Variants in AVL9 observed in about 807,000 individuals in gnomAD.
AVL9 encodes AVL9 cell migration associated, also known as late secretory pathway protein AVL9 homolog.
A neutral mutation model predicts 79.2 loss-of-function variants in AVL9; 49 were observed. The observed-to-expected ratio is 0.62, with a 90% CI of 0.49 to 0.79. The LOEUF is 0.79. AVL9 is among the 30% of genes least tolerant of loss of function. The probability of loss-of-function intolerance (pLI) is 0.00; values close to 1 mark genes in which losing one functional copy is unlikely to be tolerated. For missense variants in AVL9, 682 were observed against 776.8 expected (o/e 0.88, Z 1.45); for synonymous variants, 299 against 280.6 (o/e 1.07, Z -0.65).
rs185859057 is a variant in AVL9 at position 32,506,917 on chromosome 7, A to C, written c.93+11115A>C. Among the ~76,000 whole-genome samples the C allele has an allele frequency of 8.5e-5, 13 of 152,310 alleles. No homozygotes were observed. The East Asian group carries it at 2.3e-3, about 27-fold the overall frequency. ...AAAGCCAGACAAATTATTATAAGAA[A>C]AAAACAAAGATCAATATCCCTCATG... On this transcript the variant is annotated intron_variant, in intron 1 of 15. Coordinates refer to ENST00000318709, the MANE Select transcript of AVL9 (RefSeq NM_015060.3).
At chr7:32,524,254 G>A (rs1007984656) in intron 1 of AVL9, among the ~76,000 whole-genome samples, 1 of 151,996 alleles carries the variant, frequency 6.6e-6, no homozygotes, top group African/African-American at 2.4e-5. Context: ...GGTGGCTCAC[G>A]CCTGTAATCC....
intron 10 of AVL9, among the ~76,000 whole-genome samples, chr7:32,566,183 T>C (rs908371433): frequency 8.2e-6 from 1 of 121,322 alleles, no homozygotes; most frequent in African/African-American, 3.1e-5. Flanking sequence ...TATTATTATT[T>C]TTTTTTTTTG....
intron 10 of AVL9, among the ~76,000 whole-genome samples, chr7:32,561,563 GACC>G (rs1279950012): frequency 2.0e-5 from 3 of 152,162 alleles, no homozygotes; most frequent in African/African-American, 7.2e-5. Flanking sequence ...CTTCTATCCA[GACC>G]ACTCAAACTT....
At chr7:32,561,738 G>A (rs1790343212) in intron 10 of AVL9, among the ~76,000 whole-genome samples, 1 of 152,200 alleles carries the variant, frequency 6.6e-6, no homozygotes, top group Non-Finnish European at 1.5e-5. Context: ...ACTGTTTGGT[G>A]CAAGAGGCAT....
chr7:32,580,397 G>C, intron 14 of AVL9, 125 bp downstream of exon 14: 1 of 725,874 alleles, frequency 1.4e-6, no homozygotes. Flanking sequence ...AACCAAATAT[G>C]TGCATAACAT....
chr7:32,531,634 T>A (rs1788660263), intron 1 of AVL9: 1 of 152,044 alleles, frequency 6.6e-6, no homozygotes, highest in Admixed American at 6.6e-5. Context: ...CACGAGCGAA[T>A]GAGGTGGGAA....
rs116634693 is a variant in AVL9, at chr7:32,549,629, C to T, written c.372+711C>T. Among the ~76,000 whole-genome samples, 557 of 151,322 alleles carry T rather than the reference C, an allele frequency of 3.7e-3. 3 individuals are homozygous for T. The highest frequency in any genetic ancestry group is 0.013 in the African/African-American group (531 of 41,314). On this transcript the variant is annotated intron_variant, in intron 4 of 15. Transcript: ENST00000318709. ...GAATAGTCTCCTAGAAAAGGAATGG[C>T]TGTGGCCGGGCATGGTGGCTCACGC... is the stretch of plus-strand genomic sequence containing the variant.
chr7:32,557,567 T>C (rs1726045876), intron 8 of AVL9, among the ~76,000 whole-genome samples: 1 of 152,198 alleles, frequency 6.6e-6, no homozygotes, highest in African/African-American at 2.4e-5. Context: ...TAAACCTTTT[T>C]AGCAAAAATC....
In AVL9 at chr7:32,496,320, C is replaced by T. The variant is rs192551730; in HGVS notation, c.93+518C>T. Among the ~76,000 whole-genome samples the T allele has an allele frequency of 3.7e-4, 56 of 152,348 alleles. No homozygotes were observed. In the East Asian group the frequency reaches 8.9e-3, roughly 24 times the overall value. Reference sequence around the variant, plus strand: ...TTATCTGATGGAAGCCTTGGAATCTCTCCTGTTAGGTACGGTTGTCGATTG... The same window carrying T: ...TTATCTGATGGAAGCCTTGGAATCTTTCCTGTTAGGTACGGTTGTCGATTG... On this transcript the variant is annotated intron_variant, in intron 1 of 15. Coordinates refer to ENST00000318709, the MANE Select transcript of AVL9 (RefSeq NM_015060.3).
chr7:32,569,627 A>T (rs919094589), intron 10 of AVL9, among the ~76,000 whole-genome samples: 1 of 152,226 alleles, frequency 6.6e-6, no homozygotes, highest in African/African-American at 2.4e-5. Flanking sequence ...AGATGCATGT[A>T]TTTTAAATTT....
At chr7:32,509,361 C>A (rs80101668) in intron 1 of AVL9, among the ~76,000 whole-genome samples, 5,676 of 152,220 alleles carry the variant, frequency 0.037, 161 homozygotes, top group South Asian at 0.11. Context: ...TAGCAGGGGC[C>A]TTGTACCCTG....
chr7:32,564,321 T>A (rs2290215), intron 10 of AVL9, among the ~76,000 whole-genome samples: 127,631 of 152,246 alleles, frequency 0.84, 53,558 homozygotes, highest in Middle Eastern at 0.88. Context: ...AATCACAGTT[T>A]CAAATGCCAA....
intron 1 of AVL9, among the ~76,000 whole-genome samples, chr7:32,524,479 C>T (rs973670614): frequency 1.3e-5 from 2 of 152,210 alleles, no homozygotes; most frequent in Middle Eastern, 3.4e-3. Context: ...CATGCTACTG[C>T]ACTCCTCCCT....
At position 32,548,917 on chromosome 7, in the gene AVL9, T is replaced by A; in HGVS notation, c.371T>A (p.Leu124Gln). Residue 124 changes from leucine (L) to glutamine (Q), a missense_variant and splice_region_variant, in exon 4 of 16, where the codon CTG becomes CAG. By Grantham distance (113) the Leu-to-Gln change is moderately radical (BLOSUM62 -2). Transcript: ENST00000318709. ...VQKSVCVLSK[L>Q]PLYGLLQAKL... ...AAAAGTGTCTGTGTTCTAAGCAAGC[T>A]GGTAAGAGACGAAGTAACTTGTTCA... The A allele has an allele frequency of 6.4e-7, 1 of 1,558,086 alleles. No homozygotes were observed. Among genetic ancestry groups the A allele is most frequent in the Non-Finnish European group, 8.7e-7 (1 of 1,154,374 alleles).
intron 3 of AVL9, among the ~76,000 whole-genome samples, chr7:32,545,747 C>A (rs1392246869): frequency 6.6e-6 from 1 of 152,158 alleles, no homozygotes; most frequent in Non-Finnish European, 1.5e-5. Flanking sequence ...GGTGGCCCCA[C>A]CTTTCATGGT....
intron 1 of AVL9, among the ~76,000 whole-genome samples, chr7:32,523,429 AG>A (rs775285718): frequency 5.9e-5 from 9 of 151,702 alleles, no homozygotes; most frequent in Non-Finnish European, 7.4e-5. Context: ...TAACCAGGTA[AG>A]GTAAAATGGT....
chr7:32,513,998 C>A (rs1169708333), intron 1 of AVL9, among the ~76,000 whole-genome samples: 1 of 152,182 alleles, frequency 6.6e-6, no homozygotes, highest in Non-Finnish European at 1.5e-5. Context: ...GTATTGCCAC[C>A]ATGATGTCTC....
intron 1 of AVL9, among the ~76,000 whole-genome samples, chr7:32,507,645 A>C (rs143262125): frequency 6.6e-6 from 1 of 152,270 alleles, no homozygotes; most frequent in East Asian, 1.9e-4. Context: ...TTATTTATTC[A>C]ACTGTTGACA....
In AVL9 at chr7:32,503,331, T is replaced by TATATATATAG. The variant is rs1260179778; in HGVS notation, c.93+7531_93+7532insATATATAGAT. ...ATCTCTACTAAAAGATATATATATA[T>TATATATATAG]ATCTATATATATAGATATAGATATA... is the stretch of plus-strand genomic sequence containing the variant. On this transcript the variant is annotated intron_variant, in intron 1 of 15. Transcript: ENST00000318709. Among the ~76,000 whole-genome samples, 3 of 104,712 alleles carry TATATATATAG rather than the reference T, an allele frequency of 2.9e-5. No individual in the cohort carries two copies. In the South Asian group the frequency reaches 1.2e-3, roughly 42 times the overall value. 68.7% of individuals were successfully genotyped at this position (104,712 alleles called of 152,430 possible).
Sources: gnomAD v4.1 joint callset for allele counts (sites outside exome capture counted in the v4.1 genomes callset) on GRCh38, gnomAD v4.1.1 for gene constraint, MANE v1.5 for transcripts, NCBI Gene and HGNC (gene_info 2026-07-23, HGNC 2026-07-21) for gene names.